The following OPCML variants were observed in gnomAD, a reference collection of about 807,000 sequenced individuals.
OPCML encodes opioid-binding protein/cell adhesion molecule.
A neutral mutation model predicts 37.8 loss-of-function variants in OPCML; 13 were observed. That is an observed-to-expected ratio of 0.34 (90% CI 0.22 to 0.55). The LOEUF (loss-of-function observed/expected upper bound fraction) is 0.55. Ranked by LOEUF, OPCML falls within the 20% of genes least tolerant of loss-of-function variation. The pLI is 0.91. For missense variants in OPCML, 341 were observed against 435.6 expected (o/e 0.78, Z 1.93); for synonymous variants, 176 against 168.8 (o/e 1.04, Z -0.33).
intron 1 of OPCML, among the ~76,000 whole-genome samples, chr11:133,155,087 T>C (rs961537689): frequency 6.6e-6 from 1 of 152,000 alleles, no homozygotes; most frequent in Non-Finnish European, 1.5e-5. Context: ...ACTGGGAAGG[T>C]CTCTTAATGC....
At chr11:132,682,376 T>C (rs529091381) in intron 2 of OPCML, among the ~76,000 whole-genome samples, 69 of 152,294 alleles carry the variant, frequency 4.5e-4, no homozygotes, top group Admixed American at 1.2e-3. Flanking sequence ...AAATTCTCTA[T>C]CTCATTTATG....
At chr11:133,400,301 C>A (rs1003925675) in intron 1 of OPCML, among the ~76,000 whole-genome samples, 13 of 152,154 alleles carry the variant, frequency 8.5e-5, no homozygotes, top group African/African-American at 3.1e-4. Context: ...TCCACTTGAT[C>A]CTGACCAACG....
intron 4 of OPCML, among the ~76,000 whole-genome samples, chr11:132,445,109 G>T (rs958115134): frequency 2.6e-5 from 4 of 152,210 alleles, no homozygotes; most frequent in African/African-American, 9.7e-5. Context: ...CCCATCCAGG[G>T]CGGCCATGCT....
intron 1 of OPCML, among the ~76,000 whole-genome samples, chr11:132,968,345 C>T (rs190375747): frequency 1.6e-4 from 24 of 152,266 alleles, no homozygotes; most frequent in Admixed American, 1.5e-3. Context: ...AGGTTAAGAG[C>T]TACACTTAGT....
chr11:133,383,306 T>C (rs752399437), intron 1 of OPCML, among the ~76,000 whole-genome samples: 4 of 152,132 alleles, frequency 2.6e-5, no homozygotes, highest in Non-Finnish European at 5.9e-5. Flanking sequence ...ATCAATCCCT[T>C]GCTGGAACTG....
rs975892665 is a variant in OPCML, at chr11:132,420,386, C to T, written c.917-93G>A. The T allele has an allele frequency of 2.4e-5, 36 of 1,506,858 alleles. No individual in the cohort carries two copies. The African/African-American group carries it at 4.3e-4, about 18-fold the overall frequency. The allele number at this position is 1,506,858 out of a possible 1,614,324, so 93.3% of individuals were successfully genotyped here. ...AGCAAATACACATACATGCTTCCCACCTTCCACCCTTCCGCTGACCATTCC... is the reference window on the plus strand; with the variant it reads ...AGCAAATACACATACATGCTTCCCATCTTCCACCCTTCCGCTGACCATTCC... On this transcript the variant is annotated intron_variant, in intron 7 of 7. Transcript: ENST00000524381.
chr11:132,675,588 G>T (rs1942668619), intron 2 of OPCML, among the ~76,000 whole-genome samples: 1 of 152,040 alleles, frequency 6.6e-6, no homozygotes, highest in Admixed American at 6.6e-5. Context: ...AAGAAATTTA[G>T]CAAGGTTGCA....
chr11:133,382,497 C>T (rs2136784235), intron 1 of OPCML, among the ~76,000 whole-genome samples: 1 of 152,304 alleles, frequency 6.6e-6, no homozygotes, highest in Admixed American at 6.5e-5. Context: ...TCTCTTCCAT[C>T]CTCCTGGCCT....
At chr11:132,856,453 G>A (rs74762471) in intron 2 of OPCML, among the ~76,000 whole-genome samples, 9,414 of 152,254 alleles carry the variant, frequency 0.062, 374 homozygotes, top group East Asian at 0.14. Flanking sequence ...TGTCTATCAG[G>A]TGATGGTCAT....
chr11:132,704,010 G>A (rs1591488458), intron 2 of OPCML, among the ~76,000 whole-genome samples: 1 of 152,154 alleles, frequency 6.6e-6, no homozygotes, highest in East Asian at 1.9e-4. Context: ...GCAGCAGTAG[G>A]CCTGGGACCT....
At chr11:132,790,150 G>A (rs374155285) in intron 2 of OPCML, among the ~76,000 whole-genome samples, 98 of 152,258 alleles carry the variant, frequency 6.4e-4, no homozygotes, top group African/African-American at 2.2e-3. Context: ...CCCCATGTTC[G>A]TTGCAGCACT....
rs538600952 is a variant in OPCML, at chr11:132,583,108, G to A, written c.380-53922C>T. Among the ~76,000 whole-genome samples the A allele has an allele frequency of 1.3e-4, 20 of 152,114 alleles. No individual in the cohort carries two copies. In the East Asian group the frequency reaches 3.5e-3, roughly 26 times the overall value. On this transcript the variant is annotated intron_variant, in intron 3 of 7. Transcript: ENST00000524381. Reference sequence around the variant, plus strand: ...CTCCCTCTGTCGCTCAGGCTGGAGTGCAGTGACAGGATCACAACTCTGCAG... The same window carrying A: ...CTCCCTCTGTCGCTCAGGCTGGAGTACAGTGACAGGATCACAACTCTGCAG...
At chr11:132,543,763 C>T (rs186284605) in intron 3 of OPCML, among the ~76,000 whole-genome samples, 21 of 152,146 alleles carry the variant, frequency 1.4e-4, no homozygotes, top group Admixed American at 3.9e-4. Flanking sequence ...TATACCGCCA[C>T]GTTTTTTCCC....
intron 1 of OPCML, among the ~76,000 whole-genome samples, chr11:133,288,983 A>G (rs549098212): frequency 1.5e-3 from 232 of 152,298 alleles, no homozygotes; most frequent in African/African-American, 5.1e-3. Flanking sequence ...AGGGACGCAC[A>G]TGTGGAACTC....
chr11:133,475,796 G>A (rs1947226264), intron 1 of OPCML, among the ~76,000 whole-genome samples: 2 of 152,194 alleles, frequency 1.3e-5, no homozygotes, highest in South Asian at 4.1e-4. Flanking sequence ...GGCAGCTTCA[G>A]TCAAAGAACA....
intron 1 of OPCML, among the ~76,000 whole-genome samples, chr11:133,228,081 T>A (rs1940115329): frequency 6.6e-6 from 1 of 152,212 alleles, no homozygotes; most frequent in African/African-American, 2.4e-5. Context: ...GTCCTTGGGA[T>A]GGGAGATGTC....
At chr11:132,734,339 G>A (rs1210210240) in intron 2 of OPCML, among the ~76,000 whole-genome samples, 1 of 152,144 alleles carries the variant, frequency 6.6e-6, no homozygotes, top group Non-Finnish European at 1.5e-5. Flanking sequence ...GACTCCCACA[G>A]TAGCATCACA....
At chr11:133,354,404 T>A (rs932875849) in intron 1 of OPCML, among the ~76,000 whole-genome samples, 2 of 137,544 alleles carry the variant, frequency 1.5e-5, no homozygotes, top group East Asian at 4.1e-4. Flanking sequence ...ACTGAATGCT[T>A]ACTATAAAAT....
chr11:132,536,078 G>A (rs1174753584), intron 3 of OPCML, among the ~76,000 whole-genome samples: 1 of 152,110 alleles, frequency 6.6e-6, no homozygotes, highest in African/African-American at 2.4e-5. Flanking sequence ...ACCCCCGCAA[G>A]GGGCACCTGT....
Sources: allele counts gnomAD v4.1 joint callset (sites outside exome capture counted in the v4.1 genomes callset), GRCh38; gene constraint gnomAD v4.1.1; transcripts MANE v1.5; gene names NCBI Gene and HGNC (gene_info 2026-07-23, HGNC 2026-07-21).